The following ACSL3 variants were observed in gnomAD, a reference collection of about 807,000 sequenced individuals.
ACSL3 encodes acyl-CoA synthetase long chain family member 3.
In ACSL3, 34 loss-of-function variants were observed where a neutral mutation model predicts 84.7. The ratio of observed to expected loss-of-function variants is 0.40; its 90% CI spans 0.31 to 0.53. The LOEUF (loss-of-function observed/expected upper bound fraction) is 0.53. Among genes scored for constraint, ACSL3 ranks in the 20% least tolerant of loss-of-function variants. The probability of loss-of-function intolerance (pLI) is 0.48; values close to 1 mark genes in which losing one functional copy is unlikely to be tolerated. For synonymous variants in ACSL3, 315 were observed against 299.4 expected (o/e 1.05, Z -0.54); for missense variants, 680 against 873.1 (o/e 0.78, Z 2.79).
chr2:222,934,407 C>G (rs1697117636), intron 15 of ACSL3, 123 bp from the exon 16 acceptor site: 1 of 720,788 alleles, frequency 1.4e-6, no homozygotes, highest in Non-Finnish European at 2.0e-6. Context: ...ATGCCAGTGC[C>G]AAGTATGGCA....
intron 4 of ACSL3, among the ~76,000 whole-genome samples, chr2:222,911,023 A>G (rs1157693200): frequency 4.7e-5 from 7 of 149,686 alleles, no homozygotes; most frequent in African/African-American, 1.7e-4. Context: ...TGCTTTTGTC[A>G]TATTTACATA....
At chr2:222,874,405 T>TC (rs1253298993) in intron 1 of ACSL3, among the ~76,000 whole-genome samples, 2 of 152,160 alleles carry the variant, frequency 1.3e-5, no homozygotes, top group East Asian at 3.8e-4. Context: ...TAAAAAAATT[T>TC]CTTGGCTGGG....
chr2:222,929,753 G>A (rs1021481035), intron 13 of ACSL3, among the ~76,000 whole-genome samples: 2 of 151,842 alleles, frequency 1.3e-5, no homozygotes, highest in Admixed American at 6.6e-5. Flanking sequence ...ACTCTAGCCT[G>A]GGTGACAGAG....
chr2:222,931,376 T>C (rs940790246), intron 14 of ACSL3, among the ~76,000 whole-genome samples: 1 of 150,144 alleles, frequency 6.7e-6, no homozygotes, highest in African/African-American at 2.5e-5. Flanking sequence ...ATCGCGACAC[T>C]GCACTCCAAC....
At chr2:222,935,365 A>T (rs902629606) in intron 16 of ACSL3, among the ~76,000 whole-genome samples, 10 of 151,762 alleles carry the variant, frequency 6.6e-5, no homozygotes, top group South Asian at 2.1e-4. Flanking sequence ...ATTAAAAAAA[A>T]TTTTTTTGTT....
intron 3 of ACSL3, among the ~76,000 whole-genome samples, chr2:222,906,894 A>C (rs1207431401): frequency 1.3e-5 from 2 of 152,170 alleles, no homozygotes; most frequent in African/African-American, 4.8e-5. Context: ...CAGCCTCATC[A>C]TAATTGCTTA....
At chr2:222,889,123 A>C (rs1695787689) in intron 2 of ACSL3, among the ~76,000 whole-genome samples, 2 of 152,228 alleles carry the variant, frequency 1.3e-5, no homozygotes, top group South Asian at 4.1e-4. Flanking sequence ...TAAATGATAG[A>C]TTTTAAATAG....
At chr2:222,923,531 T>C (rs1034854952) in intron 10 of ACSL3, among the ~76,000 whole-genome samples, 2 of 152,244 alleles carry the variant, frequency 1.3e-5, no homozygotes, top group African/African-American at 4.8e-5. Flanking sequence ...TCCTGAGTCC[T>C]CAGGGAAAGT....
chr2:222,894,155 T>A (rs1695912807), intron 2 of ACSL3, among the ~76,000 whole-genome samples: 1 of 152,260 alleles, frequency 6.6e-6, no homozygotes, highest in Admixed American at 6.5e-5. Context: ...GTATATCATT[T>A]GAAAGTGATT....
At chr2:222,909,331 G>C (rs970443814) in intron 4 of ACSL3, among the ~76,000 whole-genome samples, 181 bp downstream of exon 4, 1 of 152,162 alleles carries the variant, frequency 6.6e-6, no homozygotes, top group Non-Finnish European at 1.5e-5. Context: ...TATGTTCTGA[G>C]TTTTCAGAAG....
At chr2:222,916,581 A>G (rs1397927115) in intron 5 of ACSL3, 85 bp downstream of exon 5, 7 of 1,387,972 alleles carry the variant, frequency 5.0e-6, no homozygotes, top group Non-Finnish European at 1.9e-6. Context: ...TAAAATTCTG[A>G]TGTTAATTTT....
At position 222,916,313 on chromosome 2, in the gene ACSL3, T is replaced by C; in HGVS notation, c.379-6T>C. 1 of 1,500,098 alleles carries C rather than the reference T, an allele frequency of 6.7e-7. No homozygotes were observed. The highest frequency in any genetic ancestry group is 1.4e-5 in the South Asian group (1 of 69,566). 92.9% of individuals were successfully genotyped at this position (1,500,098 alleles called of 1,614,324 possible). A position where few individuals can be genotyped will look rare whatever the true frequency, so the allele number is the denominator to read the frequency against. On this transcript the variant is annotated splice_region_variant and splice_polypyrimidine_tract_variant and intron_variant, in intron 4 of 16. Transcript: ENST00000357430. Reference sequence around the variant, plus strand: ...ACATTAAAAAAATTTTTTTTTGTTTTATCAGGTTATTCTTGGACAGTATAA... The same window carrying C: ...ACATTAAAAAAATTTTTTTTTGTTTCATCAGGTTATTCTTGGACAGTATAA...
chr2:222,891,641 C>T (rs942697356), intron 2 of ACSL3, among the ~76,000 whole-genome samples: 10 of 151,994 alleles, frequency 6.6e-5, no homozygotes, highest in Non-Finnish European at 1.0e-4. Flanking sequence ...CTGTTATTTC[C>T]GCTATCATAC....
chr2:222,940,181 A>G (rs1697267395), intron 16 of ACSL3, among the ~76,000 whole-genome samples: 1 of 152,146 alleles, frequency 6.6e-6, no homozygotes, highest in African/African-American at 2.4e-5. Context: ...GTATTAGGCA[A>G]TATGTTAGTA....
At chr2:222,877,700 A>G (rs892558108) in intron 1 of ACSL3, among the ~76,000 whole-genome samples, 3 of 152,276 alleles carry the variant, frequency 2.0e-5, no homozygotes, top group East Asian at 3.9e-4. Flanking sequence ...ATACTACATC[A>G]TGTGTTAGAT....
chr2:222,870,655 A>G (rs906801114), intron 1 of ACSL3, among the ~76,000 whole-genome samples: 1 of 152,218 alleles, frequency 6.6e-6, no homozygotes, highest in East Asian at 1.9e-4. Flanking sequence ...AATAAAGGAC[A>G]TTCCAGGTAG....
chr2:222,915,466 GAC>G lies in ACSL3; in HGVS notation c.379-849_379-848del, dbSNP rs201045298. Among the ~76,000 whole-genome samples, 961 of 152,242 alleles carry G rather than the reference GAC, an allele frequency of 6.3e-3. 10 individuals are homozygous for G. Among genetic ancestry groups the G allele is most frequent in the African/African-American group, 0.022 (910 of 41,540 alleles). On this transcript the variant is annotated intron_variant, in intron 4 of 16. Transcript: ENST00000357430. ...TAAGGTGTTTGAGATGTATATTACTGACACAGCCATGTTTGGGAATTAATTAC... is the reference window on the plus strand; with the variant it reads ...TAAGGTGTTTGAGATGTATATTACTGACAGCCATGTTTGGGAATTAATTAC...
intron 15 of ACSL3, 93 bp from the exon 16 acceptor site, chr2:222,934,437 G>A (rs1014143576): frequency 2.3e-5 from 24 of 1,044,060 alleles, no homozygotes; most frequent in Non-Finnish European, 2.7e-5. Flanking sequence ...TAAAAAAAAT[G>A]AGGAGTTATT....
intron 4 of ACSL3, among the ~76,000 whole-genome samples, chr2:222,915,595 T>TAA (rs1053056107): frequency 3.9e-5 from 6 of 152,212 alleles, no homozygotes; most frequent in Non-Finnish European, 8.8e-5. Flanking sequence ...GACAATATGT[T>TAA]AAAAAACTTC....
Sources: gnomAD v4.1 joint callset for allele counts (sites outside exome capture counted in the v4.1 genomes callset) on GRCh38, gnomAD v4.1.1 for gene constraint, MANE v1.5 for transcripts, NCBI Gene and HGNC (gene_info 2026-07-23, HGNC 2026-07-21) for gene names.